The following CHSY3 variants were observed in gnomAD, a reference collection of about 807,000 sequenced individuals.
CHSY3 encodes chondroitin sulfate synthase 3, also known as N-acetylgalactosaminyl-proteoglycan 3-beta-glucuronosyltransferase 3.
In CHSY3, 35 loss-of-function variants were observed where a neutral mutation model predicts 67.2. The ratio of observed to expected loss-of-function variants is 0.52; its 90% CI spans 0.40 to 0.69. The LOEUF (loss-of-function observed/expected upper bound fraction) is 0.69, where lower values mean the gene tolerates loss of function less well. Ranked by LOEUF, CHSY3 falls within the 30% of genes least tolerant of loss-of-function variation. The pLI is 0.00. For missense variants in CHSY3, 1,069 were observed against 1,138.5 expected, an observed-to-expected ratio of 0.94 and a Z score of 0.88; for synonymous variants, 474 against 434.7, an observed-to-expected ratio of 1.09 and a Z score of -1.12.
rs146215149 is a variant in CHSY3, at chr5:130,008,329, A to T, written c.1086+99969A>T. On this transcript the variant is annotated intron_variant, in intron 2 of 2. Coordinates refer to ENST00000305031, the MANE Select transcript of CHSY3 (RefSeq NM_175856.5). Reference sequence around the variant, plus strand: ...AGCCATGGGTCTAGTCCCAGCACCTAGGGTTAGAGCATGCAGACCAAGAGT... The same window carrying T: ...AGCCATGGGTCTAGTCCCAGCACCTTGGGTTAGAGCATGCAGACCAAGAGT... 1.7e-3 allele frequency among the ~76,000 whole-genome samples: 266 copies of T among 152,290 alleles called. 1 individual carries two copies. The highest frequency in any genetic ancestry group is 6.1e-3 in the African/African-American group (253 of 41,562).
chr5:129,907,977 G>T, intron 1 of CHSY3, 100 bp from the exon 2 acceptor site: 1 of 1,491,524 alleles, frequency 6.7e-7, no homozygotes, highest in South Asian at 1.4e-5. Flanking sequence ...GTAAGACTGA[G>T]GATTTTAAGC....
intron 2 of CHSY3, among the ~76,000 whole-genome samples, chr5:130,040,581 T>C (rs1197350543): frequency 6.6e-6 from 1 of 152,160 alleles, no homozygotes; most frequent in Non-Finnish European, 1.5e-5. Context: ...TTTCTGGCTT[T>C]AATGCTTTCA....
At chr5:129,936,361 G>A (rs1761491305) in intron 2 of CHSY3, among the ~76,000 whole-genome samples, 1 of 151,918 alleles carries the variant, frequency 6.6e-6, no homozygotes, top group Non-Finnish European at 1.5e-5. Flanking sequence ...TCCTCACATA[G>A]CCTAAGAAAC....
chr5:130,046,539 C>G (rs1192535716), intron 2 of CHSY3, among the ~76,000 whole-genome samples: 1 of 152,076 alleles, frequency 6.6e-6, no homozygotes, highest in Non-Finnish European at 1.5e-5. Context: ...CCTACAGAGA[C>G]AGATTTATTG....
chr5:130,143,375 C>T (rs536703403), intron 2 of CHSY3, among the ~76,000 whole-genome samples: 1 of 152,052 alleles, frequency 6.6e-6, no homozygotes, highest in South Asian at 2.1e-4. Flanking sequence ...ACTAAGGGAC[C>T]AGAGTTCTAA....
Position 130,003,822 on chromosome 5 carries a change from A to G in CHSY3, c.1086+95462A>G, listed in dbSNP as rs530932540. 4.6e-4 allele frequency among the ~76,000 whole-genome samples: 70 copies of G among 152,296 alleles called. 1 individual carries two copies. In the South Asian group the frequency reaches 0.014, roughly 30 times the overall value. ...TGGTTTAAGCACCTTGAACATGTCAATGGTTAATTTGATGTACACAAAACC... is the reference window on the plus strand; with the variant it reads ...TGGTTTAAGCACCTTGAACATGTCAGTGGTTAATTTGATGTACACAAAACC... On this transcript the variant is annotated intron_variant, in intron 2 of 2. Transcript: ENST00000305031.
chr5:129,957,313 T>G (rs1762205801), intron 2 of CHSY3, among the ~76,000 whole-genome samples: 1 of 152,142 alleles, frequency 6.6e-6, no homozygotes, highest in Non-Finnish European at 1.5e-5. Flanking sequence ...GTATGTTGAT[T>G]TTGTATTCTG....
chr5:130,140,394 G>A, intron 2 of CHSY3: 1 of 682,104 alleles, frequency 1.5e-6, no homozygotes. Context: ...TTATGGTTCT[G>A]ATAAAGATGA....
intron 2 of CHSY3, among the ~76,000 whole-genome samples, chr5:130,169,676 T>A (rs1344008787): frequency 1.0e-5 from 1 of 96,208 alleles, no homozygotes; most frequent in Non-Finnish European, 2.1e-5. Flanking sequence ...GTTGCTTGAA[T>A]TTTGGGAGCA....
intron 2 of CHSY3, among the ~76,000 whole-genome samples, chr5:130,044,039 G>T (rs1172652971): frequency 6.6e-6 from 1 of 152,068 alleles, no homozygotes; most frequent in East Asian, 1.9e-4. Context: ...CTCAGAGAGA[G>T]ATCAGAGTTG....
intron 2 of CHSY3, among the ~76,000 whole-genome samples, chr5:130,066,283 C>G (rs1299702843): frequency 6.6e-6 from 1 of 152,076 alleles, no homozygotes; most frequent in African/African-American, 2.4e-5. Flanking sequence ...TCAGAACACT[C>G]TGGGGATAAT....
intron 2 of CHSY3, among the ~76,000 whole-genome samples, chr5:130,057,424 T>G (rs1444882507): frequency 6.6e-6 from 1 of 152,044 alleles, no homozygotes; most frequent in African/African-American, 2.4e-5. Context: ...TTATCACTGT[T>G]TTCTGAAACT....
intron 2 of CHSY3, among the ~76,000 whole-genome samples, chr5:130,132,937 T>C (rs1768529665): frequency 1.3e-5 from 2 of 152,174 alleles, no homozygotes; most frequent in Non-Finnish European, 2.9e-5. Flanking sequence ...TCTGTAATCT[T>C]TCACCAAAGA....
At chr5:130,174,188 G>A (rs1265050902) in intron 2 of CHSY3, among the ~76,000 whole-genome samples, 1 of 151,548 alleles carries the variant, frequency 6.6e-6, no homozygotes, top group African/African-American at 2.4e-5. Context: ...CTAATTTGCA[G>A]AGTCTTCACT....
intron 2 of CHSY3, among the ~76,000 whole-genome samples, chr5:130,005,721 G>A (rs951607976): frequency 6.6e-6 from 1 of 152,028 alleles, no homozygotes; most frequent in Non-Finnish European, 1.5e-5. Context: ...CTGCAGTGAG[G>A]CAATAATGAA....
intron 2 of CHSY3, among the ~76,000 whole-genome samples, chr5:130,183,486 C>T (rs748270370): frequency 1.3e-5 from 2 of 152,064 alleles, no homozygotes; most frequent in Non-Finnish European, 1.5e-5. Flanking sequence ...ATTGCCATTC[C>T]AAACAACAGG....
chr5:129,993,936 G>T (rs1368151639), intron 2 of CHSY3, among the ~76,000 whole-genome samples: 1 of 152,084 alleles, frequency 6.6e-6, no homozygotes, highest in African/African-American at 2.4e-5. Context: ...GCATTTGCTT[G>T]TCTGTAAAGG....
chr5:130,014,954 A>G (rs1764173936), intron 2 of CHSY3, among the ~76,000 whole-genome samples: 1 of 152,214 alleles, frequency 6.6e-6, no homozygotes, highest in Non-Finnish European at 1.5e-5. Context: ...TTTGCAAACC[A>G]TACATCTGAC....
intron 2 of CHSY3, among the ~76,000 whole-genome samples, chr5:130,143,124 A>G (rs78544749): frequency 0.019 from 2,849 of 152,260 alleles, 101 homozygotes; most frequent in African/African-American, 0.066. Context: ...CAACAGACAA[A>G]CTTTTTTGTG....
Sources: allele counts gnomAD v4.1 joint callset (sites outside exome capture counted in the v4.1 genomes callset), GRCh38; gene constraint gnomAD v4.1.1; transcripts MANE v1.5; gene names NCBI Gene and HGNC (gene_info 2026-07-23, HGNC 2026-07-21).